The following ANKIB1 variants were observed in gnomAD, a reference collection of about 807,000 sequenced individuals.
The protein encoded by ANKIB1 is ankyrin repeat and IBR domain-containing protein 1.
ANKIB1 carries 43 observed loss-of-function variants against 122.1 expected under a neutral mutation model. The ratio of observed to expected loss-of-function variants is 0.35; its 90% CI spans 0.28 to 0.45. The LOEUF (loss-of-function observed/expected upper bound fraction) is 0.45. ANKIB1 is among the 20% of genes least tolerant of loss of function. ANKIB1 has a pLI of 1.00. For synonymous variants in ANKIB1, 390 were observed against 442.0 expected, an observed-to-expected ratio of 0.88 and a Z score of 1.48; for missense variants, 992 against 1,329.5, an observed-to-expected ratio of 0.75 and a Z score of 3.95.
intron 1 of ANKIB1, among the ~76,000 whole-genome samples, chr7:92,277,699 C>A (rs1157497002): frequency 3.9e-5 from 6 of 152,112 alleles, no homozygotes; most frequent in Admixed American, 3.9e-4. Flanking sequence ...GTAATCCCAG[C>A]AGTTTGGGAG....
At chr7:92,346,710 C>T (rs1803548210) in intron 7 of ANKIB1, among the ~76,000 whole-genome samples, 1 of 152,144 alleles carries the variant, frequency 6.6e-6, no homozygotes, top group African/African-American at 2.4e-5. Flanking sequence ...GGAAGTACTA[C>T]CTGAGCTCTA....
intron 1 of ANKIB1, among the ~76,000 whole-genome samples, chr7:92,248,888 C>CTTTTTTTTTTTTTTTT (rs778549860): frequency 4.9e-5 from 6 of 123,016 alleles, no homozygotes; most frequent in Non-Finnish European, 6.6e-5. Flanking sequence ...TCTTTTCTTT[C>CTTTTTTTTTTTTTTTT]TTTTTTTTTT....
At chr7:92,382,689 A>G (rs1205037085) in intron 11 of ANKIB1, among the ~76,000 whole-genome samples, 1 of 152,230 alleles carries the variant, frequency 6.6e-6, no homozygotes, top group African/African-American at 2.4e-5. Flanking sequence ...CTTTGAAACC[A>G]ATGAGAACAA....
Position 92,352,619 on chromosome 7 carries a change from T to C in ANKIB1, c.1374T>C (p.Cys458=). The change falls in exon 9 of 20, where the codon TGT becomes TGC. Residue 458 remains cysteine (C), a synonymous_variant. Coordinates refer to ENST00000265742, the MANE Select transcript of ANKIB1 (RefSeq NM_019004.2). ...TGCTGAGAGCTCCTGCTGTTGATTG[T>C]GGAAAAGGACACCTCTTCTGCTGGT... ...FPLLRAPAVD[C]GKGHLFCWEC... 6.2e-7 allele frequency: 1 copy of C among 1,610,950 alleles called. No homozygotes were observed. The highest frequency in any genetic ancestry group is 8.5e-7 in the Non-Finnish European group (1 of 1,179,292).
chr7:92,259,112 C>T (rs556086513), intron 1 of ANKIB1, among the ~76,000 whole-genome samples: 1 of 152,106 alleles, frequency 6.6e-6, no homozygotes, highest in Non-Finnish European at 1.5e-5. Flanking sequence ...TGCCACCACA[C>T]CTGGCTAATT....
intron 1 of ANKIB1, among the ~76,000 whole-genome samples, chr7:92,259,944 A>G (rs1177990139): frequency 6.6e-6 from 1 of 152,002 alleles, no homozygotes; most frequent in African/African-American, 2.4e-5. Flanking sequence ...CATCACTGCT[A>G]CCTCCTGTCT....
chr7:92,316,556 C>T (rs1189180398), intron 3 of ANKIB1, among the ~76,000 whole-genome samples: 1 of 152,194 alleles, frequency 6.6e-6, no homozygotes, highest in East Asian at 1.9e-4. Context: ...AGTTTCTCTA[C>T]AGGTGCCAAA....
chr7:92,356,405 A>G (rs1226181850), intron 9 of ANKIB1, among the ~76,000 whole-genome samples: 1 of 152,220 alleles, frequency 6.6e-6, no homozygotes, highest in African/African-American at 2.4e-5. Context: ...CAACTAGCAA[A>G]ACATTTTCCA....
chr7:92,360,739 C>A (rs947569369), intron 9 of ANKIB1, among the ~76,000 whole-genome samples: 1 of 152,220 alleles, frequency 6.6e-6, no homozygotes, highest in Admixed American at 6.5e-5. Flanking sequence ...TCCACACCAA[C>A]AATTTATGTT....
chr7:92,264,801 C>G (rs1042548512), intron 1 of ANKIB1, among the ~76,000 whole-genome samples: 1 of 152,130 alleles, frequency 6.6e-6, no homozygotes, highest in African/African-American at 2.4e-5. Flanking sequence ...ATTATGGTCT[C>G]TGCCCTTAGC....
intron 14 of ANKIB1, among the ~76,000 whole-genome samples, chr7:92,388,905 T>C (rs965151208): frequency 1.3e-5 from 2 of 152,188 alleles, no homozygotes; most frequent in Non-Finnish European, 2.9e-5. Flanking sequence ...ATTAATGATA[T>C]AACTATATTA....
chr7:92,329,107 A>G lies in ANKIB1; in HGVS notation c.787+1207A>G, dbSNP rs148721851. On this transcript the variant is annotated intron_variant, in intron 5 of 19. Transcript: ENST00000265742. ...CTCAGCCTCCTGAGTAGCTGGGATT[A>G]CAGGTGCACACCACCACACCCGGCT... 5.7e-3 allele frequency among the ~76,000 whole-genome samples: 866 copies of G among 151,722 alleles called. 3 individuals carry two copies. Among genetic ancestry groups the G allele is most frequent in the Non-Finnish European group, 8.8e-3 (596 of 67,922 alleles).
chr7:92,290,875 G>A (rs897597530), intron 1 of ANKIB1, among the ~76,000 whole-genome samples: 32 of 152,134 alleles, frequency 2.1e-4, no homozygotes, highest in Non-Finnish European at 4.6e-4. Flanking sequence ...GCTGGGAAGG[G>A]TTGTTGTGGG....
In ANKIB1 at chr7:92,319,470, T is replaced by C; in HGVS notation, c.627T>C (p.Ala209=). The change falls in exon 4 of 20, where the codon GCT becomes GCC. Residue 209 remains alanine, a synonymous_variant. Transcript: ENST00000265742. ...SQMVFSRDPE[A]EEIEAEYAAL... Reference sequence around the variant, plus strand: ...TGGTATTCTCACGGGATCCCGAGGCTGAAGAAATAGAAGCTGAATATGCTG... The same window carrying C: ...TGGTATTCTCACGGGATCCCGAGGCCGAAGAAATAGAAGCTGAATATGCTG... 1 of 1,612,826 alleles carries C rather than the reference T, an allele frequency of 6.2e-7. No homozygotes were observed. The highest frequency in any genetic ancestry group is 8.5e-7 in the Non-Finnish European group (1 of 1,179,516).
intron 5 of ANKIB1, among the ~76,000 whole-genome samples, chr7:92,339,729 A>G (rs1803395063): frequency 6.6e-6 from 1 of 152,144 alleles, no homozygotes; most frequent in Non-Finnish European, 1.5e-5. Context: ...ATATAGCTGT[A>G]TCTTATTTTC....
chr7:92,341,826 CAGT>C (rs1312274840), intron 5 of ANKIB1, among the ~76,000 whole-genome samples: 3 of 152,276 alleles, frequency 2.0e-5, no homozygotes, highest in East Asian at 3.9e-4. Flanking sequence ...TGCTGGGCGA[CAGT>C]AGTGAGCCAT....
intron 5 of ANKIB1, among the ~76,000 whole-genome samples, chr7:92,330,820 C>A (rs544859219): frequency 1.3e-5 from 2 of 151,854 alleles, no homozygotes; most frequent in Non-Finnish European, 2.9e-5. Flanking sequence ...CCAGCCTGGA[C>A]GACAGAGCGA....
intron 5 of ANKIB1, among the ~76,000 whole-genome samples, chr7:92,335,950 A>G: frequency 6.6e-6 from 1 of 151,872 alleles, no homozygotes; most frequent in Non-Finnish European, 1.5e-5. Context: ...TTATTCTTTA[A>G]CATGCTGCTT....
intron 2 of ANKIB1, among the ~76,000 whole-genome samples, chr7:92,305,323 C>T (rs778258135): frequency 1.2e-4 from 18 of 152,304 alleles, no homozygotes; most frequent in Non-Finnish European, 2.4e-4. Flanking sequence ...CAATGTACTG[C>T]ACTGCTGGCT....
Sources: gnomAD v4.1 joint callset for allele counts (sites outside exome capture counted in the v4.1 genomes callset) on GRCh38, gnomAD v4.1.1 for gene constraint, MANE v1.5 for transcripts, NCBI Gene and HGNC (gene_info 2026-07-23, HGNC 2026-07-21) for gene names.